The following MATN2 variants were observed in gnomAD, a reference collection of about 807,000 sequenced individuals.
MATN2 encodes the protein matrilin 2, also known as matrilin-2.
In MATN2, 69 loss-of-function variants were observed where a neutral mutation model predicts 103.2. The observed-to-expected ratio is 0.67, with a 90% CI of 0.55 to 0.82. The LOEUF (loss-of-function observed/expected upper bound fraction) is 0.82. Among genes scored for constraint, MATN2 ranks in the 40% least tolerant of loss-of-function variants. MATN2 has a pLI of 0.00. For synonymous variants in MATN2, 429 were observed against 450.2 expected (o/e 0.95, Z 0.60); for missense variants, 1,023 against 1,211.5 (o/e 0.84, Z 2.31).
intron 2 of MATN2, among the ~76,000 whole-genome samples, chr8:97,923,905 C>T (rs1037043911): frequency 3.9e-5 from 6 of 152,182 alleles, no homozygotes; most frequent in East Asian, 1.9e-4. Context: ...ATTACAGTAA[C>T]TTTATTCCTG....
intron 18 of MATN2, 127 bp from the exon 19 acceptor site, chr8:98,035,530 C>A: frequency 1.8e-6 from 1 of 552,584 alleles, no homozygotes; most frequent in Non-Finnish European, 3.3e-6. Context: ...ACATACTTGA[C>A]AGAAATGGGA....
intron 10 of MATN2, among the ~76,000 whole-genome samples, chr8:98,014,292 A>AG (rs1189538955): frequency 1.3e-5 from 2 of 148,998 alleles, no homozygotes; most frequent in Admixed American, 1.3e-4. Context: ...AATTCACGGT[A>AG]GGGGGAAAAA....
chr8:97,950,546 T>C (rs1343000399), intron 4 of MATN2, among the ~76,000 whole-genome samples: 1 of 152,164 alleles, frequency 6.6e-6, no homozygotes, highest in East Asian at 1.9e-4. Flanking sequence ...TTCTTACATA[T>C]TAGGGACCCA....
chr8:97,872,414 ATGT>A (rs1817925224), intron 1 of MATN2, among the ~76,000 whole-genome samples: 1 of 152,208 alleles, frequency 6.6e-6, no homozygotes, highest in African/African-American at 2.4e-5. Context: ...TAGTTATTTT[ATGT>A]TGTTGTATTA....
intron 1 of MATN2, among the ~76,000 whole-genome samples, chr8:97,885,229 G>T (rs1240302118): frequency 6.6e-6 from 1 of 152,172 alleles, no homozygotes; most frequent in Middle Eastern, 3.2e-3. Flanking sequence ...AAACAAATAA[G>T]CCTAGACTTT....
At chr8:97,954,273 T>A (rs559677284) in intron 4 of MATN2, among the ~76,000 whole-genome samples, 1 of 152,172 alleles carries the variant, frequency 6.6e-6, no homozygotes, top group Non-Finnish European at 1.5e-5. Context: ...AAATAAAAAT[T>A]TGGAGAAGGT....
chr8:97,948,665 C>G (rs2130210213), intron 4 of MATN2, among the ~76,000 whole-genome samples: 2 of 152,212 alleles, frequency 1.3e-5, no homozygotes, highest in South Asian at 4.1e-4. Flanking sequence ...AGCAAACAAA[C>G]AAAAGGAACA....
intron 3 of MATN2, among the ~76,000 whole-genome samples, chr8:97,937,651 C>T (rs1250089685): frequency 5.8e-5 from 8 of 138,112 alleles, no homozygotes; most frequent in Non-Finnish European, 1.1e-4. Flanking sequence ...TGCAGTGGCA[C>T]GACCTCAGCT....
intron 2 of MATN2, among the ~76,000 whole-genome samples, chr8:97,912,143 C>T (rs935362064): frequency 4.6e-5 from 7 of 152,200 alleles, no homozygotes; most frequent in Non-Finnish European, 7.3e-5. Context: ...TGAATCCAGT[C>T]GTTCAAGTCC....
intron 4 of MATN2, among the ~76,000 whole-genome samples, chr8:97,960,971 C>CA (rs2130256399): frequency 6.6e-6 from 1 of 152,274 alleles, no homozygotes; most frequent in Non-Finnish European, 1.5e-5. Flanking sequence ...CACACCACCA[C>CA]ACTCAGCTAA....
chr8:97,890,973 T>C (rs1004924613), intron 2 of MATN2, among the ~76,000 whole-genome samples: 1 of 152,202 alleles, frequency 6.6e-6, no homozygotes, highest in Non-Finnish European at 1.5e-5. Flanking sequence ...AAATAACGCA[T>C]GTATATATCC....
intron 10 of MATN2, among the ~76,000 whole-genome samples, chr8:98,016,322 G>A (rs1265614845): frequency 2.0e-5 from 3 of 152,108 alleles, no homozygotes; most frequent in African/African-American, 7.2e-5. Flanking sequence ...GCAGTGAGTT[G>A]AGATCACGCC....
At chr8:97,948,899 T>C (rs1010494759) in intron 4 of MATN2, among the ~76,000 whole-genome samples, 5 of 152,188 alleles carry the variant, frequency 3.3e-5, no homozygotes, top group Non-Finnish European at 5.9e-5. Context: ...TGCTCTTCAG[T>C]ACTCTGCTAC....
At chr8:97,923,210 A>AAAC (rs888670691) in intron 2 of MATN2, among the ~76,000 whole-genome samples, 30 of 151,846 alleles carry the variant, frequency 2.0e-4, no homozygotes, top group African/African-American at 7.2e-4. Flanking sequence ...CTCTCATCAT[A>AAAC]AAACAGCTTC....
chr8:97,953,201 G>C (rs1377097367), intron 4 of MATN2, among the ~76,000 whole-genome samples: 1 of 152,032 alleles, frequency 6.6e-6, no homozygotes, highest in East Asian at 1.9e-4. Context: ...CATCGTGCCG[G>C]CCCATGTTTG....
Position 98,032,073 on chromosome 8 carries a change from A to C in MATN2, c.2510-173A>C, listed in dbSNP as rs892970454. The C allele has an allele frequency of 1.6e-5, 9 of 570,700 alleles. No individual in the cohort carries two copies. In the South Asian group the frequency reaches 2.0e-4, roughly 13 times the overall value. 35.4% of individuals were successfully genotyped at this position (570,700 alleles called of 1,614,324 possible). Reference sequence around the variant, plus strand: ...GAGAGAGAATTGCCCTAGAGTGGTCATAAGTATCATGGTAACCAACTGCTT... The same window carrying C: ...GAGAGAGAATTGCCCTAGAGTGGTCCTAAGTATCATGGTAACCAACTGCTT... On this transcript the variant is annotated intron_variant, in intron 15 of 18. Coordinates refer to ENST00000254898, the MANE Select transcript of MATN2 (RefSeq NM_002380.5).
chr8:97,973,854 CTT>C (rs1811744699), intron 5 of MATN2, among the ~76,000 whole-genome samples: 2 of 151,808 alleles, frequency 1.3e-5, no homozygotes, highest in South Asian at 4.2e-4. Flanking sequence ...ATATAAAAAT[CTT>C]TTTTGCATAA....
chr8:98,030,243 T>A (rs1378212528), intron 14 of MATN2, among the ~76,000 whole-genome samples: 1 of 152,158 alleles, frequency 6.6e-6, no homozygotes, highest in African/African-American at 2.4e-5. Flanking sequence ...GTAGTTTAGT[T>A]CCCCAGCGTC....
At position 98,033,604 on chromosome 8, in the gene MATN2, C is replaced by G. The variant is rs1814120815; in HGVS notation, c.2760C>G (p.Asn920Lys). The change falls in exon 18 of 19, where the codon AAC becomes AAG. Residue 920 changes from asparagine (N) to lysine (K), a missense_variant. Asn to Lys is a moderately conservative substitution (Grantham distance 94). Coordinates refer to ENST00000254898, the MANE Select transcript of MATN2 (RefSeq NM_002380.5). ...EEKHDQCKCENLIMFQNLANE... is the reference protein window; with the variant it reads ...EEKHDQCKCEKLIMFQNLANE... Reference sequence around the variant, plus strand: ...AACACGATCAATGCAAATGTGAAAACCTTATAATGTTCCAGAACCTTGCAA... The same window carrying G: ...AACACGATCAATGCAAATGTGAAAAGCTTATAATGTTCCAGAACCTTGCAA... 1 of 1,607,130 alleles carries G rather than the reference C, an allele frequency of 6.2e-7. No individual in the cohort carries two copies.
Sources: allele counts gnomAD v4.1 joint callset (sites outside exome capture counted in the v4.1 genomes callset), GRCh38; gene constraint gnomAD v4.1.1; transcripts MANE v1.5; gene names NCBI Gene and HGNC (gene_info 2026-07-23, HGNC 2026-07-21).